LRRC37A2: variants seen among roughly 807,000 people sequenced by gnomAD.
LRRC37A2 encodes the protein leucine rich repeat containing 37 member A2.
A neutral mutation model predicts 68.8 loss-of-function variants in LRRC37A2; 9 were observed. The ratio of observed to expected loss-of-function variants is 0.13; its 90% CI spans 0.08 to 0.23. The LOEUF (loss-of-function observed/expected upper bound fraction) is 0.23, where lower values mean the gene tolerates loss of function less well. Ranked by LOEUF, LRRC37A2 falls within the 10% of genes least tolerant of loss-of-function variation. LRRC37A2 has a pLI of 1.00. For missense variants in LRRC37A2, 168 were observed against 950.4 expected, an observed-to-expected ratio of 0.18 and a Z score of 10.82; for synonymous variants, 63 against 367.6, an observed-to-expected ratio of 0.17 and a Z score of 9.48.
the LRRC37A2 span, chr17:46,768,304 A>AGCCCTACCTGGT: frequency 1.9e-6 from 3 of 1,613,178 alleles, no homozygotes; most frequent in Non-Finnish European, 2.5e-6. The surrounding 1 kb of genome is among the most constrained non-coding windows in gnomAD (Gnocchi z 5.0). Flanking sequence ...TGCTTCCCGG[A>AGCCCTACCTGGT]GCCCTACCTG....
At chr17:46,707,949 T>C in the LRRC37A2 span, among the ~76,000 whole-genome samples, 5 of 151,702 alleles carry the variant, frequency 3.3e-5, no homozygotes, top group Admixed American at 3.3e-4. Context: ...ATGAGAATCA[T>C]TTGGATCCGG....
the LRRC37A2 span, chr17:46,963,759 A>T: frequency 6.6e-6 from 1 of 152,154 alleles, no homozygotes; most frequent in Non-Finnish European, 1.5e-5. Context: ...TCACCACTGG[A>T]GAAGCTTGAG....
At chr17:47,038,441 C>T in the LRRC37A2 span, among the ~76,000 whole-genome samples, 2 of 151,848 alleles carry the variant, frequency 1.3e-5, no homozygotes, top group South Asian at 4.2e-4. Context: ...CATAGTGAGA[C>T]CCTATCTCTA....
chr17:46,458,788 G>A, the LRRC37A2 span, among the ~76,000 whole-genome samples: 2 of 109,418 alleles, frequency 1.8e-5, no homozygotes, highest in Admixed American at 9.0e-5. Context: ...TGATCTGCCC[G>A]CCTTGGCCTC....
At chr17:46,874,012 G>C in the LRRC37A2 span, among the ~76,000 whole-genome samples, 1 of 150,886 alleles carries the variant, frequency 6.6e-6, no homozygotes, top group Non-Finnish European at 1.5e-5. Flanking sequence ...AAAAAATGCA[G>C]TGATGCTGTA....
chr17:47,040,128 ATATTT>A, the LRRC37A2 span, among the ~76,000 whole-genome samples: 1 of 151,556 alleles, frequency 6.6e-6, no homozygotes, highest in Non-Finnish European at 1.5e-5. Flanking sequence ...CTCTTTGAAT[ATATTT>A]TAAATAGCTG....
the LRRC37A2 span, among the ~76,000 whole-genome samples, chr17:46,490,875 CTT>C: frequency 5.5e-5 from 8 of 146,706 alleles, no homozygotes; most frequent in Admixed American, 6.8e-5. Flanking sequence ...TACATACATA[CTT>C]TTTTTTTTTT....
At chr17:46,972,868 A>G in the LRRC37A2 span, 1 of 152,704 alleles carries the variant, frequency 6.5e-6, no homozygotes, top group Non-Finnish European at 1.5e-5. Flanking sequence ...CTTCCTTAGC[A>G]CCCAGCATTA....
chr17:46,543,698 G>A (rs1475275192), intron 8 of LRRC37A2, among the ~76,000 whole-genome samples: 2 of 150,946 alleles, frequency 1.3e-5, no homozygotes, highest in African/African-American at 2.5e-5. Context: ...ATGTGGCAAA[G>A]TATTAGCAAC....
At chr17:46,889,334 C>T in the LRRC37A2 span, among the ~76,000 whole-genome samples, 5 of 152,074 alleles carry the variant, frequency 3.3e-5, no homozygotes, top group South Asian at 2.1e-4. Context: ...CTGGGCGTGG[C>T]GGGGGTGGCT....
chr17:46,710,820 A>C, the LRRC37A2 span: 65 of 667,752 alleles, frequency 9.7e-5, no homozygotes, highest in African/African-American at 1.1e-3. Flanking sequence ...GAAATTATAC[A>C]AGTTGTTTTG....
At chr17:46,723,606 G>T in the LRRC37A2 span, among the ~76,000 whole-genome samples, 3 of 152,140 alleles carry the variant, frequency 2.0e-5, no homozygotes, top group Non-Finnish European at 4.4e-5. Flanking sequence ...ATGTACTCAT[G>T]ATCCATTTTC....
the LRRC37A2 span, chr17:46,910,258 CG>C: frequency 6.6e-6 from 1 of 152,180 alleles, no homozygotes; most frequent in African/African-American, 2.4e-5. Flanking sequence ...TGGCATGGGT[CG>C]GGATGATACA....
At chr17:46,980,954 C>T in the LRRC37A2 span, among the ~76,000 whole-genome samples, 2 of 152,224 alleles carry the variant, frequency 1.3e-5, no homozygotes, top group Non-Finnish European at 2.9e-5. Flanking sequence ...GGGGGCTCCC[C>T]ACCCCCAACA....
At chr17:46,773,367 T>C in the LRRC37A2 span, among the ~76,000 whole-genome samples, 32 of 152,078 alleles carry the variant, frequency 2.1e-4, no homozygotes, top group East Asian at 3.9e-4. Context: ...TAACACAGCA[T>C]TGGGGAAATG....
At chr17:46,901,860 G>T in the LRRC37A2 span, among the ~76,000 whole-genome samples, 2 of 145,818 alleles carry the variant, frequency 1.4e-5, no homozygotes, top group Admixed American at 1.4e-4. Flanking sequence ...AGGCTGGAGC[G>T]CAATGGCGCA....
chr17:46,736,711 A>G, the LRRC37A2 span, among the ~76,000 whole-genome samples: 1 of 152,234 alleles, frequency 6.6e-6, no homozygotes, highest in African/African-American at 2.4e-5. Flanking sequence ...ATTTGCTGCT[A>G]ACCACTAGGG....
At chr17:47,011,576 T>TG in the LRRC37A2 span, among the ~76,000 whole-genome samples, 1 of 151,004 alleles carries the variant, frequency 6.6e-6, no homozygotes, top group Non-Finnish European at 1.5e-5. Context: ...AGTTGTTTTT[T>TG]TTTTTTTAAT....
At chr17:46,787,386 A>G in the LRRC37A2 span, among the ~76,000 whole-genome samples, 1 of 152,208 alleles carries the variant, frequency 6.6e-6, no homozygotes, top group African/African-American at 2.4e-5. Context: ...ATTCTATTAC[A>G]GTGTTAGGTC....
Sources: allele counts gnomAD v4.1 joint callset (sites outside exome capture counted in the v4.1 genomes callset), GRCh38; gene constraint gnomAD v4.1.1; non-coding constraint Gnocchi (gnomAD v3.1); transcripts MANE v1.5; gene names NCBI Gene and HGNC (gene_info 2026-07-23, HGNC 2026-07-21).